Variants in GALNTL6 observed in about 807,000 individuals in gnomAD.
The protein encoded by GALNTL6 is polypeptide N-acetylgalactosaminyltransferase like 6.
Under a neutral mutation model 73.7 loss-of-function variants are expected in GALNTL6, and 46 were observed. That is an observed-to-expected ratio of 0.62 (90% CI 0.49 to 0.80). The LOEUF (loss-of-function observed/expected upper bound fraction) is 0.80. GALNTL6 is among the 30% of genes least tolerant of loss of function. The probability of loss-of-function intolerance (pLI) is 0.00; values close to 1 mark genes in which losing one functional copy is unlikely to be tolerated. For synonymous variants in GALNTL6, 259 were observed against 263.7 expected, an observed-to-expected ratio of 0.98 and a Z score of 0.17; for missense variants, 604 against 755.0, an observed-to-expected ratio of 0.80 and a Z score of 2.34.
At chr4:172,987,005 A>G (rs1352756784) in intron 10 of GALNTL6, among the ~76,000 whole-genome samples, 1 of 152,218 alleles carries the variant, frequency 6.6e-6, no homozygotes, top group East Asian at 1.9e-4. Flanking sequence ...AATTAAAAAC[A>G]ATGAACAAGA....
At chr4:172,990,003 T>TG (rs1037426443) in intron 10 of GALNTL6, among the ~76,000 whole-genome samples, 2 of 152,154 alleles carry the variant, frequency 1.3e-5, no homozygotes, top group African/African-American at 4.8e-5. Flanking sequence ...CTCTTGAGCC[T>TG]GGGCCCGTCA....
At chr4:172,911,878 T>C (rs1014600102) in intron 8 of GALNTL6, among the ~76,000 whole-genome samples, 2 of 152,226 alleles carry the variant, frequency 1.3e-5, no homozygotes, top group African/African-American at 4.8e-5. Context: ...CTTTTATAGA[T>C]AGTTGTAAAG....
intron 5 of GALNTL6, among the ~76,000 whole-genome samples, chr4:172,688,265 G>A (rs950864079): frequency 3.3e-5 from 5 of 152,170 alleles, no homozygotes; most frequent in African/African-American, 7.2e-5. Context: ...GCCCAAGTTT[G>A]GAATGTTTCT....
chr4:171,971,966 G>A (rs1358709506), intron 2 of GALNTL6, among the ~76,000 whole-genome samples: 1 of 152,002 alleles, frequency 6.6e-6, no homozygotes, highest in Admixed American at 6.6e-5. Context: ...GAGGCTTTAG[G>A]GGAGAGACTT....
chr4:172,491,678 G>T (rs1733898717), intron 5 of GALNTL6, among the ~76,000 whole-genome samples: 1 of 152,050 alleles, frequency 6.6e-6, no homozygotes, highest in Non-Finnish European at 1.5e-5. Flanking sequence ...GAAAGATAAG[G>T]TTTATCTTGT....
At chr4:172,069,582 A>ATTATATATATAACACATGTG (rs1553989794) in intron 2 of GALNTL6, among the ~76,000 whole-genome samples, 385 of 21,028 alleles carry the variant, frequency 0.018, 109 homozygotes, top group African/African-American at 0.027. Context: ...TATGTTATAT[A>ATTATATATATAACACATGTG]TTATATATAT....
At chr4:172,085,816 C>T (rs111682410) in intron 2 of GALNTL6, among the ~76,000 whole-genome samples, 5 of 151,958 alleles carry the variant, frequency 3.3e-5, no homozygotes, top group African/African-American at 4.8e-5. Context: ...TAGTCTAAAG[C>T]ATCTTCTAGA....
rs1731529939 is a variant in GALNTL6 at position 172,071,397 on chromosome 4, G to T, written c.139-158259G>T. On this transcript the variant is annotated intron_variant, in intron 2 of 12. Transcript: ENST00000506823. ...ATTTCTACACTGATGATAAATGTGTGCCATCGTTATTAAAACATTATCCTG... is the reference window on the plus strand; with the variant it reads ...ATTTCTACACTGATGATAAATGTGTTCCATCGTTATTAAAACATTATCCTG... 1.8e-5 allele frequency among the ~76,000 whole-genome samples: 2 copies of T among 110,022 alleles called. 1 individual carries two copies. Among genetic ancestry groups the T allele is most frequent in the Admixed American group, 1.9e-4 (2 of 10,592 alleles). 72.2% of individuals were successfully genotyped at this position (110,022 alleles called of 152,430 possible). A position where few individuals can be genotyped will look rare whatever the true frequency, so the allele number is the denominator to read the frequency against.
intron 2 of GALNTL6, among the ~76,000 whole-genome samples, chr4:172,229,385 G>A (rs191611756): frequency 1.3e-5 from 2 of 152,236 alleles, no homozygotes; most frequent in East Asian, 1.9e-4. Flanking sequence ...ATGCTTACAG[G>A]TGACACGCTA....
intron 10 of GALNTL6, among the ~76,000 whole-genome samples, chr4:172,962,253 G>A (rs540263413): frequency 6.6e-6 from 1 of 152,314 alleles, no homozygotes; most frequent in Non-Finnish European, 1.5e-5. Flanking sequence ...TGGCCATCTG[G>A]ATGTGTACGT....
chr4:171,895,374 T>C (rs1466793775), intron 2 of GALNTL6, among the ~76,000 whole-genome samples: 2 of 152,092 alleles, frequency 1.3e-5, no homozygotes, highest in African/African-American at 2.4e-5. Flanking sequence ...GGCAACTCTG[T>C]TTTCTGGAGT....
chr4:172,603,466 C>A (rs1336882032), intron 5 of GALNTL6, among the ~76,000 whole-genome samples: 6 of 152,104 alleles, frequency 3.9e-5, no homozygotes, highest in African/African-American at 1.4e-4. Flanking sequence ...TTGTTAAAAC[C>A]AATCATTTTC....
intron 2 of GALNTL6, among the ~76,000 whole-genome samples, chr4:171,887,361 G>T (rs1436858982): frequency 3.3e-5 from 5 of 152,152 alleles, no homozygotes; most frequent in African/African-American, 1.2e-4. Flanking sequence ...ATAGGTAATG[G>T]AAATCATTAA....
intron 10 of GALNTL6, among the ~76,000 whole-genome samples, chr4:172,980,598 C>A (rs574964065): frequency 6.6e-6 from 1 of 152,300 alleles, no homozygotes; most frequent in East Asian, 1.9e-4. Flanking sequence ...GCCACCTCCT[C>A]TCTGTGTGTT....
At chr4:172,482,412 A>G (rs1483145260) in intron 5 of GALNTL6, among the ~76,000 whole-genome samples, 7 of 152,236 alleles carry the variant, frequency 4.6e-5, no homozygotes, top group Non-Finnish European at 1.0e-4. Flanking sequence ...GGCCACCAGC[A>G]CGTTGTCACT....
chr4:172,069,583 T>TAACACATATATGTTATATATGTTA lies in GALNTL6; in HGVS notation c.139-160073_139-160072insAACACATATATGTTATATATGTTA, dbSNP rs776675339. On this transcript the variant is annotated intron_variant, in intron 2 of 12. Transcript: ENST00000506823. ...ATATATAACACATATATGTTATATATTATATATATAACACATATATGTTAT... is the reference window on the plus strand; with the variant it reads ...ATATATAACACATATATGTTATATATAACACATATATGTTATATATGTTATATATATATAACACATATATGTTAT... 4.4e-4 allele frequency among the ~76,000 whole-genome samples: 23 copies of TAACACATATATGTTATATATGTTA among 52,026 alleles called. 5 individuals carry two copies. The highest frequency in any genetic ancestry group is 1.8e-3 in the East Asian group (5 of 2,808). The allele number at this position is 52,026 out of a possible 152,430, so 34.1% of individuals were successfully genotyped here.
intron 2 of GALNTL6, among the ~76,000 whole-genome samples, chr4:171,902,199 T>C (rs1443898759): frequency 3.9e-5 from 6 of 152,192 alleles, no homozygotes. Flanking sequence ...AGGGATGAGT[T>C]GTGTGAAGTA....
At chr4:171,836,233 C>T (rs938472326) in intron 2 of GALNTL6, among the ~76,000 whole-genome samples, 2 of 151,976 alleles carry the variant, frequency 1.3e-5, no homozygotes, top group African/African-American at 4.8e-5. Context: ...ATAGTTGGCA[C>T]ATCTGATTCT....
intron 2 of GALNTL6, among the ~76,000 whole-genome samples, chr4:171,855,152 T>C (rs1372979808): frequency 6.6e-6 from 1 of 152,138 alleles, no homozygotes; most frequent in East Asian, 1.9e-4. Context: ...TTCATTAGAG[T>C]TTACTCTTTG....
Sources: allele counts gnomAD v4.1 joint callset (sites outside exome capture counted in the v4.1 genomes callset), GRCh38; gene constraint gnomAD v4.1.1; transcripts MANE v1.5; gene names NCBI Gene and HGNC (gene_info 2026-07-23, HGNC 2026-07-21).